PEAK1: variants seen among roughly 807,000 people sequenced by gnomAD.
PEAK1 encodes inactive tyrosine-protein kinase PEAK1.
In PEAK1, 54 loss-of-function variants were observed where a neutral mutation model predicts 124.7. The ratio of observed to expected loss-of-function variants is 0.43; its 90% CI spans 0.35 to 0.54. The LOEUF (loss-of-function observed/expected upper bound fraction) is 0.54, where lower values mean the gene tolerates loss of function less well. Ranked by LOEUF, PEAK1 falls within the 20% of genes least tolerant of loss-of-function variation. The pLI is 0.01. For synonymous variants in PEAK1, 719 were observed against 760.0 expected, an observed-to-expected ratio of 0.95 and a Z score of 0.89; for missense variants, 2,046 against 2,134.5, an observed-to-expected ratio of 0.96 and a Z score of 0.82.
intron 2 of PEAK1, among the ~76,000 whole-genome samples, chr15:77,342,265 CTTTT>C (rs1430087877): frequency 6.6e-6 from 1 of 151,734 alleles, no homozygotes; most frequent in East Asian, 1.9e-4. Flanking sequence ...ATCTCCAGAA[CTTTT>C]TTATCATGCA....
At chr15:77,333,861 C>T in intron 2 of PEAK1, 2 of 558,416 alleles carry the variant, frequency 3.6e-6, no homozygotes, top group Non-Finnish European at 4.5e-6. Context: ...AATGCTACTC[C>T]TTCAAAAATT....
intron 6 of PEAK1, among the ~76,000 whole-genome samples, chr15:77,188,245 A>G (rs1434693956): frequency 6.6e-6 from 1 of 152,186 alleles, no homozygotes; most frequent in African/African-American, 2.4e-5. Flanking sequence ...ACTTAATGAA[A>G]TCTCCAGAAG....
At chr15:77,299,537 G>T (rs1457058154) in intron 2 of PEAK1, among the ~76,000 whole-genome samples, 1 of 152,102 alleles carries the variant, frequency 6.6e-6, no homozygotes, top group Non-Finnish European at 1.5e-5. Flanking sequence ...ATCCAATAGG[G>T]TATTATGAGA....
chr15:77,243,010 T>C (rs1368385655), intron 6 of PEAK1, among the ~76,000 whole-genome samples: 1 of 152,216 alleles, frequency 6.6e-6, no homozygotes, highest in Non-Finnish European at 1.5e-5. Flanking sequence ...ACCAATTAAC[T>C]AGGCCCAACA....
chr15:77,194,622 C>G (rs977246902), intron 6 of PEAK1, among the ~76,000 whole-genome samples: 2 of 152,164 alleles, frequency 1.3e-5, no homozygotes, highest in African/African-American at 4.8e-5. Context: ...TACTCCACCC[C>G]CCGACCCCCA....
At position 77,405,012 on chromosome 15, in the gene PEAK1, T is replaced by G. The variant is rs573204421; in HGVS notation, c.-666+14994A>C. Among the ~76,000 whole-genome samples the G allele has an allele frequency of 3.6e-4, 46 of 127,144 alleles. 3 individuals are homozygous for G. In the South Asian group the frequency reaches 5.5e-3, roughly 15 times the overall value. The allele number at this position is 127,144 out of a possible 152,430, so 83.4% of individuals were successfully genotyped here. On this transcript the variant is annotated intron_variant, in intron 1 of 9. Transcript: ENST00000682557. ...TAGTATAAGGTCAATTAGTTTTTTG[T>G]TTTTTTTTTTTTGAGACAGAGTCTT...
intron 5 of PEAK1, among the ~76,000 whole-genome samples, chr15:77,261,423 T>C (rs1023753198): frequency 6.6e-6 from 1 of 152,106 alleles, no homozygotes; most frequent in East Asian, 1.9e-4. Flanking sequence ...AGAGAAGTCC[T>C]TAAAGGAGCT....
chr15:77,313,738 A>ATATT lies in PEAK1; in HGVS notation c.-602-27238_-602-27235dup, dbSNP rs1179007056. ...TGTGTGTGTGTGTGTATATATATAT[A>ATATT]TATTTATTTATTTATTTATTTTTAG... On this transcript the variant is annotated intron_variant, in intron 2 of 9. Coordinates refer to ENST00000682557, the MANE Select transcript of PEAK1 (RefSeq NM_001385026.1). 6.9e-3 allele frequency among the ~76,000 whole-genome samples: 995 copies of ATATT among 143,444 alleles called. 9 individuals carry two copies. The highest frequency in any genetic ancestry group is 0.016 in the African/African-American group (592 of 37,894). 94.1% of individuals were successfully genotyped at this position (143,444 alleles called of 152,430 possible).
intron 8 of PEAK1, among the ~76,000 whole-genome samples, chr15:77,134,127 T>C (rs760065564): frequency 7.2e-5 from 11 of 152,050 alleles, no homozygotes; most frequent in Non-Finnish European, 1.3e-4. Context: ...TGTGACAGAG[T>C]AGAGATGATA....
intron 6 of PEAK1, among the ~76,000 whole-genome samples, chr15:77,247,023 AATATAGTGTATAGAAAT>A (rs951984616): frequency 3.0e-4 from 46 of 152,188 alleles, no homozygotes; most frequent in Non-Finnish European, 5.3e-4. Flanking sequence ...GTCTCAAAAA[AATATAGTGTATAGAAAT>A]ATGATAGATT....
downstream of PEAK1, chr15:77,106,253 C>T (rs2050749535): frequency 6.6e-6 from 1 of 152,142 alleles, no homozygotes; most frequent in African/African-American, 2.4e-5. Flanking sequence ...GAGAAGGCCT[C>T]GAAGTTATTG....
chr15:77,357,444 T>C (rs976297442), intron 2 of PEAK1, among the ~76,000 whole-genome samples: 2 of 152,266 alleles, frequency 1.3e-5, no homozygotes, highest in Middle Eastern at 3.4e-3. Context: ...GGCTAATTTT[T>C]GTATTTTTAA....
At chr15:77,334,981 A>G (rs1037227069) in intron 2 of PEAK1, 1 of 985,450 alleles carries the variant, frequency 1.0e-6, no homozygotes, top group Non-Finnish European at 1.2e-6. Flanking sequence ...TGAGCTATCC[A>G]GCAATCTGAA....
At chr15:77,240,737 C>A (rs2060320645) in intron 6 of PEAK1, among the ~76,000 whole-genome samples, 1 of 152,018 alleles carries the variant, frequency 6.6e-6, no homozygotes, top group African/African-American at 2.4e-5. Flanking sequence ...CATTTAGAGA[C>A]CTAAACTAAA....
intron 6 of PEAK1, among the ~76,000 whole-genome samples, chr15:77,250,211 G>GTA (rs1306287250): frequency 3.8e-5 from 5 of 131,538 alleles, no homozygotes; most frequent in African/African-American, 1.2e-4. Flanking sequence ...ACATATATAT[G>GTA]TATATATATA....
intron 2 of PEAK1, among the ~76,000 whole-genome samples, chr15:77,326,383 G>T (rs2065578281): frequency 6.6e-6 from 1 of 152,016 alleles, no homozygotes; most frequent in Non-Finnish European, 1.5e-5. Flanking sequence ...TAAATTAGGA[G>T]AAATAAAAGA....
intron 2 of PEAK1, among the ~76,000 whole-genome samples, chr15:77,321,226 C>T (rs1405312205): frequency 1.3e-5 from 2 of 152,168 alleles, no homozygotes; most frequent in Non-Finnish European, 2.9e-5. Context: ...AGCCCTGAGG[C>T]ATCGCCATAC....
chr15:77,298,855 G>A (rs907040766), intron 2 of PEAK1, among the ~76,000 whole-genome samples: 29 of 152,086 alleles, frequency 1.9e-4, no homozygotes, highest in African/African-American at 5.8e-4. Flanking sequence ...GCGTTACCAG[G>A]GCCTAGCGGT....
chr15:77,305,142 C>T (rs962122983), intron 2 of PEAK1, among the ~76,000 whole-genome samples: 1 of 111,406 alleles, frequency 9.0e-6, no homozygotes, highest in Non-Finnish European at 1.8e-5. Flanking sequence ...GACCCTGTTT[C>T]AAAAAAAGGA....
Sources: allele counts gnomAD v4.1 joint callset (sites outside exome capture counted in the v4.1 genomes callset), GRCh38; gene constraint gnomAD v4.1.1; transcripts MANE v1.5; gene names NCBI Gene and HGNC (gene_info 2026-07-23, HGNC 2026-07-21).